The following TBC1D22A variants were observed in gnomAD, a reference collection of about 807,000 sequenced individuals.
TBC1D22A encodes the protein putative GTPase activator.
Under a neutral mutation model 60.2 loss-of-function variants are expected in TBC1D22A, and 38 were observed. The observed-to-expected ratio is 0.63, with a 90% CI of 0.49 to 0.83. The LOEUF (loss-of-function observed/expected upper bound fraction) is 0.83, where lower values mean the gene tolerates loss of function less well. Ranked by LOEUF, TBC1D22A falls within the 40% of genes least tolerant of loss-of-function variation. TBC1D22A has a pLI of 0.00. For missense variants in TBC1D22A, 628 were observed against 701.0 expected, an observed-to-expected ratio of 0.90 and a Z score of 1.18; for synonymous variants, 302 against 281.7, an observed-to-expected ratio of 1.07 and a Z score of -0.72.
chr22:46,918,588 G>A (rs565341561), intron 8 of TBC1D22A, among the ~76,000 whole-genome samples: 1 of 152,310 alleles, frequency 6.6e-6, no homozygotes, highest in Non-Finnish European at 1.5e-5. Context: ...CAAGGGAGGG[G>A]ACAACTTCAG....
chr22:46,957,222 C>T (rs2073246043), intron 8 of TBC1D22A, among the ~76,000 whole-genome samples: 1 of 152,200 alleles, frequency 6.6e-6, no homozygotes. Context: ...GGAAATAAAA[C>T]AAAAGTCTGC....
intron 12 of TBC1D22A, among the ~76,000 whole-genome samples, chr22:47,113,798 G>A (rs746484571): frequency 1.5e-4 from 23 of 152,166 alleles, no homozygotes; most frequent in Non-Finnish European, 1.6e-4. Context: ...CGGCCCTGGA[G>A]GCTGAAGCAG....
chr22:46,941,400 C>CAGAATATATAT (rs2072058290), intron 8 of TBC1D22A, among the ~76,000 whole-genome samples: 2 of 69,722 alleles, frequency 2.9e-5, no homozygotes, highest in African/African-American at 1.5e-4. Context: ...AATATATATA[C>CAGAATATATAT]ACAGAATATA....
intron 11 of TBC1D22A, among the ~76,000 whole-genome samples, chr22:47,050,629 T>A (rs1028270909): frequency 6.6e-6 from 1 of 152,198 alleles, no homozygotes; most frequent in Non-Finnish European, 1.5e-5. Context: ...GGAGCTTGCC[T>A]TCTGCACAAA....
intron 1 of TBC1D22A, among the ~76,000 whole-genome samples, chr22:46,787,610 G>T (rs1223889830): frequency 6.6e-6 from 1 of 152,108 alleles, no homozygotes; most frequent in African/African-American, 2.4e-5. Flanking sequence ...TAGTTGCAAA[G>T]GTACATATGT....
intron 5 of TBC1D22A, among the ~76,000 whole-genome samples, chr22:46,881,628 G>A (rs955187699): frequency 6.6e-6 from 1 of 152,212 alleles, no homozygotes; most frequent in African/African-American, 2.4e-5. Context: ...TGGTTGTAAG[G>A]GGAGGCTGCT....
intron 8 of TBC1D22A, among the ~76,000 whole-genome samples, chr22:46,951,552 A>T (rs2072903272): frequency 2.6e-5 from 4 of 152,196 alleles, no homozygotes; most frequent in Admixed American, 2.6e-4. Context: ...ATTTCACGCC[A>T]GTTAGGGGCT....
intron 8 of TBC1D22A, among the ~76,000 whole-genome samples, chr22:46,971,394 C>T (rs186404900): frequency 6.6e-6 from 1 of 152,288 alleles, no homozygotes; most frequent in East Asian, 1.9e-4. Flanking sequence ...TGTCTCCATG[C>T]TTGGAAGGCC....
chr22:46,783,073 G>A (rs1469689650), intron 1 of TBC1D22A, among the ~76,000 whole-genome samples: 2 of 152,220 alleles, frequency 1.3e-5, no homozygotes, highest in Non-Finnish European at 2.9e-5. Flanking sequence ...CCCGCTAGCA[G>A]TGTGTGAGGT....
chr22:46,780,692 C>T (rs775641639), intron 1 of TBC1D22A, among the ~76,000 whole-genome samples: 23 of 152,344 alleles, frequency 1.5e-4, no homozygotes, highest in Admixed American at 6.5e-4. Context: ...GGCCCAAGGA[C>T]AGGGAGAGGG....
intron 8 of TBC1D22A, among the ~76,000 whole-genome samples, chr22:46,953,066 T>G (rs756288839): frequency 1.3e-5 from 2 of 152,232 alleles, no homozygotes; most frequent in Non-Finnish European, 2.9e-5. Context: ...CAGCCCACAC[T>G]GAACGGGTGG....
chr22:46,775,643 A>G (rs1383293690), intron 1 of TBC1D22A, among the ~76,000 whole-genome samples: 7 of 152,186 alleles, frequency 4.6e-5, no homozygotes, highest in Admixed American at 1.3e-4. Flanking sequence ...ATTAATCTCT[A>G]TAGTGAGTTA....
At chr22:47,022,288 G>T (rs1217857208) in intron 10 of TBC1D22A, among the ~76,000 whole-genome samples, 1 of 152,180 alleles carries the variant, frequency 6.6e-6, no homozygotes, top group Non-Finnish European at 1.5e-5. Context: ...TGAAACAATG[G>T]TTTTTAAGAT....
chr22:47,135,302 G>A (rs5767523), intron 12 of TBC1D22A, among the ~76,000 whole-genome samples: 46,610 of 152,112 alleles, frequency 0.31, 7,560 homozygotes, highest in East Asian at 0.61. Flanking sequence ...TTCCTTCTTC[G>A]CTGATTCCTT....
chr22:46,935,483 A>T (rs527607696), intron 8 of TBC1D22A, among the ~76,000 whole-genome samples: 14 of 152,360 alleles, frequency 9.2e-5, no homozygotes, highest in Admixed American at 2.0e-4. Flanking sequence ...GGGCAGTTTG[A>T]AAATACAGTT....
intron 10 of TBC1D22A, 30 bp from the exon 11 acceptor site, chr22:47,037,041 A>T: frequency 6.2e-7 from 1 of 1,612,120 alleles, no homozygotes; most frequent in South Asian, 1.1e-5. Context: ...CTCCCCTGAC[A>T]GCCTTGGGGC....
intron 12 of TBC1D22A, among the ~76,000 whole-genome samples, chr22:47,126,605 A>G (rs1237167847): frequency 6.6e-6 from 1 of 152,230 alleles, no homozygotes; most frequent in Admixed American, 6.5e-5. Flanking sequence ...ATGAGGGCGG[A>G]GGGAGTGACC....
intron 8 of TBC1D22A, among the ~76,000 whole-genome samples, chr22:46,933,728 C>T (rs2071487458): frequency 6.6e-6 from 1 of 152,258 alleles, no homozygotes; most frequent in Non-Finnish European, 1.5e-5. Context: ...GTGTTGACTG[C>T]AGCCACGTGG....
intron 12 of TBC1D22A, among the ~76,000 whole-genome samples, chr22:47,150,474 C>A (rs544713215): frequency 1.3e-5 from 2 of 152,348 alleles, no homozygotes; most frequent in East Asian, 3.9e-4. Flanking sequence ...CCGTCTAGAA[C>A]AGCTCTCGAG....
Sources: gnomAD v4.1 joint callset for allele counts (sites outside exome capture counted in the v4.1 genomes callset) on GRCh38, gnomAD v4.1.1 for gene constraint, MANE v1.5 for transcripts, NCBI Gene and HGNC (gene_info 2026-07-23, HGNC 2026-07-21) for gene names.